Variants in ADGRD1 observed in about 807,000 individuals in gnomAD.
The protein encoded by ADGRD1 is adhesion G protein-coupled receptor D1.
In ADGRD1, 77 loss-of-function variants were observed where a neutral mutation model predicts 113.4. That is an observed-to-expected ratio of 0.68 (90% confidence interval 0.57 to 0.82). ADGRD1 has a LOEUF of 0.82. Ranked by LOEUF, ADGRD1 falls within the 40% of genes least tolerant of loss-of-function variation. The pLI is 0.00. For missense variants in ADGRD1, 1,036 were observed against 1,139.1 expected (o/e 0.91, Z 1.30); for synonymous variants, 474 against 475.0 (o/e 1.00, Z 0.03).
chr12:131,041,953 G>A lies in ADGRD1; in HGVS notation c.1473+27613G>A, dbSNP rs887503385. Among the ~76,000 whole-genome samples the A allele has an allele frequency of 6.6e-6, 1 of 152,016 alleles. No individual in the cohort carries two copies. Among genetic ancestry groups the A allele is most frequent in the African/African-American group, 2.4e-5 (1 of 41,394 alleles). On this transcript the variant is annotated intron_variant, in intron 13 of 24. Coordinates refer to ENST00000261654, the MANE Select transcript of ADGRD1 (RefSeq NM_198827.5). This position sits in a 1 kb window ranked among gnomAD's most constrained non-coding sequence, Gnocchi z 4.4. ...AGTCCCCCTGCGAGGAGAAGGCGCCGATGACCTAGGGTTCCTTCGCAGTCG... is the reference window on the plus strand; with the variant it reads ...AGTCCCCCTGCGAGGAGAAGGCGCCAATGACCTAGGGTTCCTTCGCAGTCG...
At chr12:131,007,973 G>A (rs1040550141) in intron 12 of ADGRD1, among the ~76,000 whole-genome samples, 2 of 152,208 alleles carry the variant, frequency 1.3e-5, no homozygotes, top group Admixed American at 6.5e-5. Context: ...CAGAAGAGGT[G>A]GACGGAAGTG....
intron 15 of ADGRD1, among the ~76,000 whole-genome samples, chr12:131,088,323 C>G (rs528761467): frequency 6.6e-6 from 1 of 152,362 alleles, no homozygotes; most frequent in South Asian, 2.1e-4. Context: ...AGTGAGGATG[C>G]TGTGGCACGC....
chr12:130,994,602 G>A (rs567946665), intron 8 of ADGRD1, among the ~76,000 whole-genome samples: 1 of 152,360 alleles, frequency 6.6e-6, no homozygotes, highest in East Asian at 1.9e-4. Context: ...CGGGTGTCTA[G>A]GGAAGGAGGG....
At position 131,104,839 on chromosome 12, in the gene ADGRD1, C is replaced by T. The variant is rs551009247; in HGVS notation, c.1680C>T (p.Arg560=). The part of the protein sequence containing the change: ...LMQVVPLELA[R]GHQVALSSIS... ...TGCTCTGCTCCCCGCAGCTTGCACG[C>T]GGACACCAGGTGGCGCTGTCGTCTA... The change falls in exon 16 of 25, where the codon CGC becomes CGT. Residue 560 remains arginine (R), a synonymous_variant. Transcript: ENST00000261654. 74 of 1,547,736 alleles carry T rather than the reference C, an allele frequency of 4.8e-5. No homozygotes were observed. Among genetic ancestry groups the T allele is most frequent in the East Asian group, 4.4e-4 (18 of 40,898 alleles).
At chr12:131,105,724 C>A (rs1214415422) in intron 16 of ADGRD1, 30 bp from the exon 17 acceptor site, 5 of 1,559,840 alleles carry the variant, frequency 3.2e-6, no homozygotes, top group Non-Finnish European at 4.4e-6. Flanking sequence ...GGCGCAGGGC[C>A]CAGGCCTCAC....
intron 20 of ADGRD1, among the ~76,000 whole-genome samples, chr12:131,129,247 G>C (rs1297780385): frequency 4.7e-5 from 6 of 127,496 alleles, no homozygotes; most frequent in Non-Finnish European, 8.2e-5. Flanking sequence ...GGCCCGCCCT[G>C]CTGTCTGGGT....
At chr12:130,961,230 G>C (rs1870318153) in intron 2 of ADGRD1, among the ~76,000 whole-genome samples, 1 of 152,210 alleles carries the variant, frequency 6.6e-6, no homozygotes, top group South Asian at 2.1e-4. Flanking sequence ...AAAATTAAAG[G>C]TTTTATTAAG....
chr12:130,993,645 G>A (rs1281006611), intron 8 of ADGRD1, among the ~76,000 whole-genome samples: 1 of 152,142 alleles, frequency 6.6e-6, no homozygotes, highest in Non-Finnish European at 1.5e-5. Flanking sequence ...CAGCACACCT[G>A]CTTCCCACTG....
chr12:131,014,346 TG>T lies in ADGRD1; in HGVS notation c.1473+8del, dbSNP rs1878304642. 1.9e-6 allele frequency: 3 copies of T among 1,610,286 alleles called. No homozygotes were observed. The highest frequency in any genetic ancestry group is 2.5e-6 in the Non-Finnish European group (3 of 1,177,644). On this transcript the variant is annotated splice_region_variant and intron_variant, in intron 13 of 24. Transcript: ENST00000261654. ...TCCACCTCAAGCACAGATTGGTGAG[TG>T]GCGGTGCCTTCACCCTTGTCGCCGC...
chr12:131,034,128 C>T (rs1002622087), intron 13 of ADGRD1, among the ~76,000 whole-genome samples: 3 of 152,160 alleles, frequency 2.0e-5, no homozygotes, highest in Non-Finnish European at 4.4e-5. Context: ...ACCCTGTGCT[C>T]GAACCCTCTC....
intron 18 of ADGRD1, among the ~76,000 whole-genome samples, chr12:131,112,045 G>A (rs1299066271): frequency 1.3e-4 from 20 of 152,096 alleles, no homozygotes; most frequent in Non-Finnish European, 2.9e-4. Flanking sequence ...CATCTTAGAT[G>A]ACACATTGTA....
At chr12:131,044,532 T>C (rs546679179) in intron 13 of ADGRD1, among the ~76,000 whole-genome samples, 55 of 152,366 alleles carry the variant, frequency 3.6e-4, no homozygotes, top group Non-Finnish European at 6.2e-4. Context: ...AAATATTTAT[T>C]TGTAATTCTG....
chr12:131,004,361 A>G, intron 11 of ADGRD1, 65 bp downstream of exon 11: 5 of 1,109,158 alleles, frequency 4.5e-6, no homozygotes, highest in Non-Finnish European at 6.7e-6. Context: ...AAGAGTCCCC[A>G]AGCTTTGCTG....
intron 13 of ADGRD1, among the ~76,000 whole-genome samples, chr12:131,037,640 T>TG (rs541567054): frequency 3.5e-5 from 1 of 28,236 alleles, no homozygotes; most frequent in East Asian, 4.8e-4. Context: ...ACTCACTGCA[T>TG]GGGGCCTCAC....
intron 12 of ADGRD1, among the ~76,000 whole-genome samples, chr12:131,013,458 T>C (rs1481332066): frequency 6.6e-6 from 1 of 152,032 alleles, no homozygotes. Flanking sequence ...ATGAGGGTCT[T>C]TGAGCCCTCA....
chr12:131,017,832 ACACT>A (rs1268628212), intron 13 of ADGRD1, among the ~76,000 whole-genome samples: 3 of 150,566 alleles, frequency 2.0e-5, no homozygotes, highest in Non-Finnish European at 3.0e-5. Flanking sequence ...CAGTCCACAC[ACACT>A]CAGTGCACAC....
chr12:131,052,017 C>G (rs1295028147), intron 13 of ADGRD1, among the ~76,000 whole-genome samples: 1 of 152,186 alleles, frequency 6.6e-6, no homozygotes, highest in African/African-American at 2.4e-5. Context: ...ATCTCCTCCT[C>G]CTGCTTCAGA....
intron 12 of ADGRD1, among the ~76,000 whole-genome samples, chr12:131,012,431 C>T (rs891517254): frequency 3.9e-5 from 6 of 152,144 alleles, no homozygotes; most frequent in Non-Finnish European, 7.3e-5. Context: ...CTGGTTTGCT[C>T]CAGACCCTGT....
chr12:131,013,425 T>C (rs1381629110), intron 12 of ADGRD1, among the ~76,000 whole-genome samples: 1 of 152,082 alleles, frequency 6.6e-6, no homozygotes, highest in East Asian at 1.9e-4. Context: ...CCTCAGGGCA[T>C]GAGGAGAAGT....
Sources: allele counts gnomAD v4.1 joint callset (sites outside exome capture counted in the v4.1 genomes callset), GRCh38; gene constraint gnomAD v4.1.1; non-coding constraint Gnocchi (gnomAD v3.1); transcripts MANE v1.5; gene names NCBI Gene and HGNC (gene_info 2026-07-23, HGNC 2026-07-21).